BPIFA1: variants seen among roughly 807,000 people sequenced by gnomAD.
BPIFA1 encodes the protein BPI fold-containing family A member 1.
BPIFA1 carries 24 observed loss-of-function variants against 25.1 expected under a neutral mutation model. The observed-to-expected ratio is 0.96, with a 90% confidence interval of 0.69 to 1.35. BPIFA1 has a LOEUF of 1.35. Among genes scored for constraint, BPIFA1 ranks in the 40% most tolerant of loss-of-function variants. The probability of loss-of-function intolerance (pLI) is 0.00; values close to 1 mark genes in which losing one functional copy is unlikely to be tolerated. For synonymous variants in BPIFA1, 139 were observed against 131.8 expected (o/e 1.05, Z -0.37); for missense variants, 344 against 303.7 (o/e 1.13, Z -0.99).
intron 1 of BPIFA1, among the ~76,000 whole-genome samples, chr20:33,237,344 G>C (rs1460813947): frequency 6.6e-6 from 1 of 152,128 alleles, no homozygotes; most frequent in African/African-American, 2.4e-5. Flanking sequence ...AGTGAACTGT[G>C]GGCAAGATGG....
Position 33,240,403 on chromosome 20 carries a change from G to C in BPIFA1, c.581+18G>C, listed in dbSNP as rs940006198. On this transcript the variant is annotated intron_variant, in intron 5 of 8. Coordinates refer to ENST00000354297, the MANE Select transcript of BPIFA1 (RefSeq NM_130852.3). ...CTTGATGGGTGAGGCCAGAGGAGCA[G>C]CTTATCCTGCCCAGAGATGACAGGG... 7 of 1,613,210 alleles carry C rather than the reference G, an allele frequency of 4.3e-6. No homozygotes were observed. The highest frequency in any genetic ancestry group is 5.9e-6 in the Non-Finnish European group (7 of 1,179,570).
At chr20:33,237,906 GTGTGTGTGTGT>G in intron 2 of BPIFA1, 35 bp downstream of exon 2, 1 of 213,206 alleles carries the variant, frequency 4.7e-6, no homozygotes, top group South Asian at 1.2e-4. Flanking sequence ...GCATGTGTGT[GTGTGTGTGTGT>G]GTGTGTGTGT....
intron 8 of BPIFA1, 57 bp from the exon 9 acceptor site, chr20:33,243,050 T>G (rs540007846): frequency 6.2e-6 from 1 of 162,430 alleles, no homozygotes; most frequent in South Asian, 1.7e-4. Flanking sequence ...GGGCATGAGT[T>G]TGATGATGAG....
At chr20:33,240,086 T>A in intron 4 of BPIFA1, 147 bp from the exon 5 acceptor site, 1 of 1,409,362 alleles carries the variant, frequency 7.1e-7, no homozygotes, top group Non-Finnish European at 9.7e-7. Flanking sequence ...ACCTCTTAAG[T>A]CTTTGTTTCT....
chr20:33,239,507 C>T (rs1457659973), intron 3 of BPIFA1, among the ~76,000 whole-genome samples: 3 of 152,218 alleles, frequency 2.0e-5, no homozygotes, highest in African/African-American at 7.2e-5. Context: ...AGGCTCTTAG[C>T]TGGCATACAG....
chr20:33,242,964 T>C (rs1003916595), intron 8 of BPIFA1, 143 bp from the exon 9 acceptor site: 1 of 190,678 alleles, frequency 5.2e-6, no homozygotes, highest in Admixed American at 5.5e-5. Context: ...ACACACTCAC[T>C]CAAACACATG....
chr20:33,240,134 A>T, intron 4 of BPIFA1, 99 bp from the exon 5 acceptor site: 1 of 1,525,502 alleles, frequency 6.6e-7, no homozygotes, highest in South Asian at 1.3e-5. Context: ...TGTGGGCAAG[A>T]TGGAGTGAGG....
At chr20:33,240,171 A>C in intron 4 of BPIFA1, 62 bp from the exon 5 acceptor site, 1 of 1,589,744 alleles carries the variant, frequency 6.3e-7, no homozygotes, top group Non-Finnish European at 8.6e-7. Context: ...GGCAAGGAGA[A>C]AATAACCCTC....
rs75488938 is a variant in BPIFA1 at position 33,242,672 on chromosome 20, A to G, written c.*34+111A>G. The G allele has an allele frequency of 7.2e-4, 550 of 767,828 alleles. 3 individuals carry two copies. In the African/African-American group the frequency reaches 8.8e-3, roughly 12 times the overall value. 47.6% of individuals were successfully genotyped at this position (767,828 alleles called of 1,614,324 possible). A position where few individuals can be genotyped will look rare whatever the true frequency, so the allele number is the denominator to read the frequency against. On this transcript the variant is annotated intron_variant, in intron 8 of 8. Transcript: ENST00000354297. ...CATCCAAAGAAAGAGACAAACATCT[A>G]CAGAGGTACACACAGGGATGCACAG...
chr20:33,239,338 A>T (rs556078195), intron 3 of BPIFA1, among the ~76,000 whole-genome samples: 28 of 152,300 alleles, frequency 1.8e-4, no homozygotes, highest in African/African-American at 6.7e-4. Flanking sequence ...ATTTACTTCC[A>T]GTTGCACCTG....
rs536116701 is a variant in BPIFA1 at position 33,240,220 on chromosome 20, G to C, written c.429-13G>C. The stretch of plus-strand genomic sequence containing the variant: ...GGTGGAGCTAGATACCAGTGGGGCT[G>C]TCTCCTTTGCAGGCCCCTGGTCGGT... On this transcript the variant is annotated splice_polypyrimidine_tract_variant and intron_variant, in intron 4 of 8. Coordinates refer to ENST00000354297, the MANE Select transcript of BPIFA1 (RefSeq NM_130852.3). 6.2e-7 allele frequency: 1 copy of C among 1,612,804 alleles called. No homozygotes were observed. The highest frequency in any genetic ancestry group is 1.3e-5 in the African/African-American group (1 of 74,902).
At chr20:33,238,890 A>C (rs533230631) in intron 3 of BPIFA1, among the ~76,000 whole-genome samples, 3 of 152,162 alleles carry the variant, frequency 2.0e-5, no homozygotes, top group African/African-American at 7.2e-5. Flanking sequence ...CCAGGGTCTC[A>C]CTCCCTGACT....
Position 33,237,773 on chromosome 20 carries a change from T to C in BPIFA1, c.62T>C (p.Phe21Ser), listed in dbSNP as rs760652134. ...CTGTTAGCCCAGACCATGGCCCAGT[T>C]TGGAGGCCTGCCCGTGCCCCTGGAC... ...YGLLAQTMAQ[F>S]GGLPVPLDQT... The change falls in exon 2 of 9, where the codon TTT becomes TCT. Residue 21 changes from phenylalanine to serine, a missense_variant. Coordinates refer to ENST00000354297, the MANE Select transcript of BPIFA1 (RefSeq NM_130852.3). The C allele has an allele frequency of 6.3e-7, 1 of 1,590,270 alleles. No individual in the cohort carries two copies. Among genetic ancestry groups the C allele is most frequent in the Non-Finnish European group, 8.6e-7 (1 of 1,167,990 alleles).
In BPIFA1 at chr20:33,237,790, C is replaced by A; in HGVS notation, c.79C>A (p.Pro27Thr). 2 of 1,599,054 alleles carry A rather than the reference C, an allele frequency of 1.3e-6. No homozygotes were observed. The highest frequency in any genetic ancestry group is 2.3e-5 in the East Asian group (1 of 44,426). ...TMAQFGGLPV[P>T]LDQTLPLNVN... ...GGCCCAGTTTGGAGGCCTGCCCGTGCCCCTGGACCAGACCCTGCCCTTGAA... is the reference window on the plus strand; with the variant it reads ...GGCCCAGTTTGGAGGCCTGCCCGTGACCCTGGACCAGACCCTGCCCTTGAA... The change falls in exon 2 of 9, where the codon CCC (proline) becomes ACC (threonine). Residue 27 changes from proline to threonine, a missense_variant. Pro to Thr is a conservative substitution (Grantham distance 38). Coordinates refer to ENST00000354297, the MANE Select transcript of BPIFA1 (RefSeq NM_130852.3).
chr20:33,242,123 A>G lies in BPIFA1; in HGVS notation c.730+4A>G. The G allele has an allele frequency of 6.2e-7, 1 of 1,613,906 alleles. No homozygotes were observed. The highest frequency in any genetic ancestry group is 8.5e-7 in the Non-Finnish European group (1 of 1,179,826). On this transcript the variant is annotated splice_donor_region_variant and intron_variant, in intron 7 of 8. Coordinates refer to ENST00000354297, the MANE Select transcript of BPIFA1 (RefSeq NM_130852.3). ...ACCCTGGTGCATGACATTGTTAGTA[A>G]GTACCTGCTTTCAAGCCCTCTGTCC...
At position 33,240,530 on chromosome 20, in the gene BPIFA1, AGATGGATGGATGGATGGATG is replaced by A. The variant is rs10677320; in HGVS notation, c.581+176_581+195del. 26 of 749,494 alleles carry A rather than the reference AGATGGATGGATGGATGGATG, an allele frequency of 3.5e-5. 1 individual carries two copies. The highest frequency in any genetic ancestry group is 1.3e-4 in the African/African-American group (7 of 53,058). 46.4% of individuals were successfully genotyped at this position (749,494 alleles called of 1,614,324 possible). A position where few individuals can be genotyped will look rare whatever the true frequency, so the allele number is the denominator to read the frequency against. On this transcript the variant is annotated intron_variant, in intron 5 of 8. Transcript: ENST00000354297. ...TGGATGGGAAGGAGGGAGCGTGGAAAGATGGATGGATGGATGGATGGATGGATGGATGGATGGATGGATGG... is the reference window on the plus strand; with the variant it reads ...TGGATGGGAAGGAGGGAGCGTGGAAAGATGGATGGATGGATGGATGGATGG...
chr20:33,238,419 G>C (rs1324273222), intron 3 of BPIFA1, among the ~76,000 whole-genome samples: 1 of 152,144 alleles, frequency 6.6e-6, no homozygotes, highest in African/African-American at 2.4e-5. Flanking sequence ...TCAGTTCTAG[G>C]CATGTCCTGA....
intron 3 of BPIFA1, 27 bp downstream of exon 3, chr20:33,238,241 A>C (rs764182110): frequency 2.5e-6 from 4 of 1,594,602 alleles, no homozygotes; most frequent in Non-Finnish European, 3.4e-6. Context: ...TAGAGCTTTG[A>C]TCTCCACCAG....
In BPIFA1 at chr20:33,241,469, C is replaced by A; in HGVS notation, c.666C>A (p.Asn222Lys). 6.2e-7 allele frequency: 1 copy of A among 1,610,452 alleles called. No homozygotes were observed. The highest frequency in any genetic ancestry group is 8.5e-7 in the Non-Finnish European group (1 of 1,176,626). ...TCCTGCCTGAGTTGGTTCAGGGCAA[C>A]GTAAGTAGGCAAGGTGGGGATCCCC... ...NKVLPELVQG[N>K]VCPLVNEVLR... Residue 222 changes from asparagine to lysine, a missense_variant and splice_region_variant, in exon 6 of 9, where the codon AAC becomes AAA. Coordinates refer to ENST00000354297, the MANE Select transcript of BPIFA1 (RefSeq NM_130852.3).
Sources: gnomAD v4.1 joint callset for allele counts (sites outside exome capture counted in the v4.1 genomes callset) on GRCh38, gnomAD v4.1.1 for gene constraint, MANE v1.5 for transcripts, NCBI Gene and HGNC (gene_info 2026-07-23, HGNC 2026-07-21) for gene names.